DENND2B: variants seen among roughly 807,000 people sequenced by gnomAD.
DENND2B encodes DENN domain containing 2B.
DENND2B carries 32 observed loss-of-function variants against 116.0 expected under a neutral mutation model. The observed-to-expected ratio is 0.28, with a 90% CI of 0.21 to 0.37. The LOEUF is 0.37. Among genes scored for constraint, DENND2B ranks in the 10% least tolerant of loss-of-function variants. The pLI, the probability that DENND2B is intolerant of heterozygous loss-of-function variation, is 1.00. For missense variants in DENND2B, 1,276 were observed against 1,477.7 expected, an observed-to-expected ratio of 0.86 and a Z score of 2.24; for synonymous variants, 588 against 583.9, an observed-to-expected ratio of 1.01 and a Z score of -0.10.
At chr11:8,727,290 T>C (rs2133903737) in intron 3 of DENND2B, among the ~76,000 whole-genome samples, 1 of 152,314 alleles carries the variant, frequency 6.6e-6, no homozygotes. Context: ...CTGAGAGTCC[T>C]AGGGTGTAGG....
chr11:8,715,606 G>T lies in DENND2B; in HGVS notation c.1842C>A (p.Pro614=). 6.2e-7 allele frequency: 1 copy of T among 1,612,568 alleles called. No homozygotes were observed. ...GGGCTGCCTCTGGGGAGGGTACCTT[G>T]GGAATGCGGCGGGCCCGGCGGCTGG... ...LLSSRRARRI[P]KLVQRINSIY... Residue 614 remains proline (P), a synonymous_variant, in exon 6 of 20, where the codon CCC becomes CCA. Coordinates refer to ENST00000313726, the MANE Select transcript of DENND2B (RefSeq NM_213618.2).
chr11:8,748,705 T>A (rs1454548391), intron 2 of DENND2B, among the ~76,000 whole-genome samples: 1 of 150,916 alleles, frequency 6.6e-6, no homozygotes, highest in Non-Finnish European at 1.5e-5. Flanking sequence ...GTGCTTTTTT[T>A]AGGCACATCT....
intron 1 of DENND2B, among the ~76,000 whole-genome samples, chr11:8,801,174 C>T (rs757950507): frequency 3.9e-5 from 6 of 151,994 alleles, no homozygotes; most frequent in African/African-American, 1.2e-4. Flanking sequence ...GAGAGGGGCC[C>T]GCTCAGCCTA....
intron 14 of DENND2B, chr11:8,699,868 C>G (rs943666780): frequency 7.9e-5 from 36 of 456,406 alleles, no homozygotes; most frequent in Non-Finnish European, 1.5e-4. Context: ...CCTCCCCTCT[C>G]CAGCCAGAGG....
At chr11:8,699,456 C>G in intron 14 of DENND2B, 66 bp from the exon 15 acceptor site, 2 of 1,480,516 alleles carry the variant, frequency 1.4e-6, no homozygotes, top group South Asian at 2.6e-5. Context: ...TCGCTGGAGG[C>G]TCAGGACAGC....
At chr11:8,826,899 C>T (rs564477683) in intron 4 of DENND2B, among the ~76,000 whole-genome samples, 6 of 152,206 alleles carry the variant, frequency 3.9e-5, no homozygotes, top group African/African-American at 1.2e-4. Context: ...ATAGAGAAAT[C>T]AATTAGACCC....
intron 1 of DENND2B, among the ~76,000 whole-genome samples, chr11:8,767,307 G>A (rs1302367497): frequency 6.6e-6 from 1 of 152,202 alleles, no homozygotes; most frequent in East Asian, 1.9e-4. Flanking sequence ...GTGGAGCGGG[G>A]AGGGTGATCA....
At chr11:8,910,522 G>C (rs1167521821) in intron 1 of DENND2B, among the ~76,000 whole-genome samples, 1 of 151,924 alleles carries the variant, frequency 6.6e-6, no homozygotes, top group Non-Finnish European at 1.5e-5. Context: ...ACCCTCCCGA[G>C]TACCTGGGAC....
intron 2 of DENND2B, 114 bp from the exon 3 acceptor site, chr11:8,731,323 C>CTAT: frequency 9.8e-7 from 1 of 1,019,644 alleles, no homozygotes; most frequent in Non-Finnish European, 1.4e-6. Flanking sequence ...CTGGAGGACT[C>CTAT]TCAAAGAGTA....
rs778933909 is a variant in DENND2B at position 8,715,635 on chromosome 11, G to A, written c.1813C>T (p.Leu605=). 9 of 1,613,630 alleles carry A rather than the reference G, an allele frequency of 5.6e-6. No homozygotes were observed. The highest frequency in any genetic ancestry group is 7.6e-6 in the Non-Finnish European group (9 of 1,179,708). ...ATGCGGCGGGCCCGGCGGCTGGACA[G>A]CAGCTCGCTGGTGGTGCTGAGGCTG... ...EDSLSTTSEL[L]SSRRARRIPK... Residue 605 remains leucine, a synonymous_variant, in exon 6 of 20, where the codon CTG becomes TTG. Transcript: ENST00000313726.
chr11:8,717,290 G>C (rs1459248008), intron 5 of DENND2B, among the ~76,000 whole-genome samples: 1 of 152,184 alleles, frequency 6.6e-6, no homozygotes, highest in Non-Finnish European at 1.5e-5. Flanking sequence ...ATGTGGTTTG[G>C]GGACCTACAC....
At chr11:8,729,908 C>T (rs1221531980) in intron 3 of DENND2B, 42 bp downstream of exon 3, 2 of 1,596,730 alleles carry the variant, frequency 1.3e-6, no homozygotes, top group Non-Finnish European at 1.7e-6. Context: ...TAAAAGAAAG[C>T]CACGGTATTC....
intron 1 of DENND2B, among the ~76,000 whole-genome samples, chr11:8,797,945 G>A (rs561465172): frequency 6.6e-6 from 1 of 152,262 alleles, no homozygotes; most frequent in East Asian, 1.9e-4. Context: ...AGCTTTGACA[G>A]CTGTTCCCTT....
chr11:8,698,015 T>C (rs2040709226), intron 16 of DENND2B: 8 of 399,696 alleles, frequency 2.0e-5, no homozygotes, highest in South Asian at 5.7e-5. Context: ...GGCATGCACC[T>C]GTACTCCCAG....
chr11:8,744,347 T>C (rs1158999853), intron 2 of DENND2B, among the ~76,000 whole-genome samples: 3 of 152,104 alleles, frequency 2.0e-5, no homozygotes, highest in Admixed American at 2.0e-4. Context: ...TTGGTCAGGC[T>C]GGTCTCGAAC....
intron 2 of DENND2B, 135 bp downstream of exon 2, chr11:8,750,486 T>C: frequency 5.7e-6 from 4 of 706,406 alleles, no homozygotes; most frequent in Non-Finnish European, 1.0e-5. Context: ...TTCTGCCTAA[T>C]GGTCAGCATG....
chr11:8,743,494 G>A (rs1466693356), intron 2 of DENND2B, among the ~76,000 whole-genome samples: 1 of 151,120 alleles, frequency 6.6e-6, no homozygotes, highest in Non-Finnish European at 1.5e-5. Flanking sequence ...AGGCTGCAGT[G>A]AGCCGAGATC....
intron 13 of DENND2B, among the ~76,000 whole-genome samples, chr11:8,705,940 G>A (rs2042522423): frequency 6.6e-6 from 1 of 152,226 alleles, no homozygotes; most frequent in African/African-American, 2.4e-5. Context: ...GGCAGCCACA[G>A]TGGGCTTTGA....
intron 1 of DENND2B, among the ~76,000 whole-genome samples, chr11:8,896,030 G>A (rs905246009): frequency 1.3e-5 from 2 of 152,114 alleles, no homozygotes; most frequent in Non-Finnish European, 2.9e-5. Flanking sequence ...ATAAATACTT[G>A]AATGCAAACA....
Sources: allele counts gnomAD v4.1 joint callset (sites outside exome capture counted in the v4.1 genomes callset), GRCh38; gene constraint gnomAD v4.1.1; transcripts MANE v1.5; gene names NCBI Gene and HGNC (gene_info 2026-07-23, HGNC 2026-07-21).